The following RYR2 variants were observed in gnomAD, a reference collection of about 807,000 sequenced individuals.
The protein encoded by RYR2 is ryanodine receptor 2.
Under a neutral mutation model 601.1 loss-of-function variants are expected in RYR2, and 227 were observed. That is an observed-to-expected ratio of 0.38 (90% CI 0.34 to 0.42). The LOEUF is 0.42. Among genes scored for constraint, RYR2 ranks in the 10% least tolerant of loss-of-function variants. RYR2 has a pLI of 1.00. For missense variants in RYR2, 4,646 were observed against 6,156.5 expected (o/e 0.75, Z 8.21); for synonymous variants, 2,223 against 2,175.1 (o/e 1.02, Z -0.61).
At chr1:237,237,009 T>C (rs1447514500) in intron 1 of RYR2, among the ~76,000 whole-genome samples, 1 of 152,196 alleles carries the variant, frequency 6.6e-6, no homozygotes, top group Admixed American at 6.5e-5. Flanking sequence ...CATGCTGTTA[T>C]AATGATATGA....
chr1:237,755,367 A>G (rs1439344345), intron 80 of RYR2, among the ~76,000 whole-genome samples: 1 of 152,050 alleles, frequency 6.6e-6, no homozygotes, highest in Non-Finnish European at 1.5e-5. Context: ...CTTAGGTCAT[A>G]TATGTTTTGG....
rs997035051 is a variant in RYR2 at position 237,681,439 on chromosome 1, A to G, written c.9017+862A>G. Among the ~76,000 whole-genome samples, 4 of 152,138 alleles carry G rather than the reference A, an allele frequency of 2.6e-5. No homozygotes were observed. In the East Asian group the frequency reaches 5.8e-4, roughly 22 times the overall value. Reference sequence around the variant, plus strand: ...TGGAAAGATTCCTGCACTACGTAACACTGGGGAATGCAGCTGGAGTGGAAT... The same window carrying G: ...TGGAAAGATTCCTGCACTACGTAACGCTGGGGAATGCAGCTGGAGTGGAAT... On this transcript the variant is annotated intron_variant, in intron 62 of 104. Transcript: ENST00000366574.
chr1:237,594,885 GGTTTTTTT>G (rs1675635425), intron 33 of RYR2, among the ~76,000 whole-genome samples: 1 of 79,048 alleles, frequency 1.3e-5, no homozygotes, highest in African/African-American at 7.2e-5. Context: ...AATATCACTG[GGTTTTTTT>G]TTTTTTTTTT....
chr1:237,399,019 C>T (rs1018922160), intron 10 of RYR2, among the ~76,000 whole-genome samples: 1 of 152,036 alleles, frequency 6.6e-6, no homozygotes, highest in African/African-American at 2.4e-5. Context: ...CATGGTAAAA[C>T]CCTGTCTCTA....
intron 87 of RYR2, among the ~76,000 whole-genome samples, chr1:237,774,867 A>G (rs573847342): frequency 2.0e-5 from 3 of 152,242 alleles, no homozygotes; most frequent in Admixed American, 6.5e-5. Context: ...TCCAAATGAA[A>G]CATAACCGCC....
chr1:237,760,512 T>C (rs1187656229), intron 83 of RYR2, among the ~76,000 whole-genome samples: 1 of 152,196 alleles, frequency 6.6e-6, no homozygotes, highest in Non-Finnish European at 1.5e-5. Context: ...GTAGGCCATT[T>C]CTCATTTTGT....
chr1:237,115,243 C>A (rs1028538704), intron 1 of RYR2, among the ~76,000 whole-genome samples: 1 of 152,172 alleles, frequency 6.6e-6, no homozygotes, highest in African/African-American at 2.4e-5. Context: ...CACACCCCCC[C>A]CCTTGCTCTG....
At chr1:237,739,044 A>G (rs1037571069) in intron 79 of RYR2, among the ~76,000 whole-genome samples, 1 of 152,032 alleles carries the variant, frequency 6.6e-6, no homozygotes, top group Non-Finnish European at 1.5e-5. Context: ...CATGATTTTC[A>G]TTTCTCTTGG....
chr1:237,198,440 A>AT lies in RYR2; in HGVS notation c.49-72038dup, dbSNP rs145357805. Among the ~76,000 whole-genome samples, 86 of 132,880 alleles carry AT rather than the reference A, an allele frequency of 6.5e-4. 1 individual carries two copies. The highest frequency in any genetic ancestry group is 2.3e-3 in the African/African-American group (81 of 35,656). The allele number at this position is 132,880 out of a possible 152,430, so 87.2% of individuals were successfully genotyped here. The stretch of plus-strand genomic sequence containing the variant: ...TATGTTTGAATATAGTGTTTCCTTG[A>AT]TTTTTTTTTTTTTTTTTTTGGTATG... On this transcript the variant is annotated intron_variant, in intron 1 of 104. Coordinates refer to ENST00000366574, the MANE Select transcript of RYR2 (RefSeq NM_001035.3).
intron 91 of RYR2, among the ~76,000 whole-genome samples, chr1:237,787,589 CTCAAAA>C (rs1230493075): frequency 1.8e-5 from 2 of 111,518 alleles, no homozygotes; most frequent in African/African-American, 7.8e-5. Flanking sequence ...GAGACTCTGT[CTCAAAA>C]ACAAAAAAAA....
chr1:237,657,816 AAAG>A (rs1347323989), intron 53 of RYR2, 125 bp from the exon 54 acceptor site: 10 of 534,358 alleles, frequency 1.9e-5, no homozygotes, highest in East Asian at 1.1e-4. Context: ...AATTCTAAAA[AAAG>A]AAGTCGTGTT....
intron 20 of RYR2, among the ~76,000 whole-genome samples, chr1:237,497,991 A>AG (rs937500069): frequency 6.6e-6 from 1 of 151,754 alleles, no homozygotes; most frequent in Non-Finnish European, 1.5e-5. Context: ...CCTCCTGAGT[A>AG]GCTGAGACTA....
intron 27 of RYR2, among the ~76,000 whole-genome samples, chr1:237,556,423 C>T (rs1442670148): frequency 6.6e-6 from 1 of 151,342 alleles, no homozygotes; most frequent in Admixed American, 6.6e-5. Context: ...GCCTCAGCCT[C>T]CCGAGTAGCT....
chr1:237,188,432 C>T (rs544971708), intron 1 of RYR2, among the ~76,000 whole-genome samples: 81 of 152,070 alleles, frequency 5.3e-4, no homozygotes, highest in Admixed American at 2.4e-3. Flanking sequence ...CTGCACCAAA[C>T]CTTACTATTT....
chr1:237,184,846 T>C (rs189475348), intron 1 of RYR2, among the ~76,000 whole-genome samples: 12 of 151,840 alleles, frequency 7.9e-5, no homozygotes, highest in Admixed American at 7.9e-4. Context: ...TTTAGTTGAG[T>C]TGAAGGTTAT....
intron 10 of RYR2, among the ~76,000 whole-genome samples, chr1:237,402,242 A>AG (rs1703414757): frequency 6.6e-6 from 1 of 150,952 alleles, no homozygotes; most frequent in African/African-American, 2.4e-5. Context: ...AAAAAAAAAA[A>AG]GTTTTTTAAT....
chr1:237,186,615 C>T (rs574338136), intron 1 of RYR2, among the ~76,000 whole-genome samples: 141 of 152,270 alleles, frequency 9.3e-4, no homozygotes, highest in Non-Finnish European at 1.6e-3. Context: ...GGATTCTGGG[C>T]GTTCCTTCTA....
intron 101 of RYR2, among the ~76,000 whole-genome samples, chr1:237,821,945 A>G (rs1244260581): frequency 6.6e-6 from 1 of 151,846 alleles, no homozygotes; most frequent in African/African-American, 2.4e-5. Flanking sequence ...GGTGACCTCA[A>G]TGAAATAAGG....
intron 3 of RYR2, among the ~76,000 whole-genome samples, chr1:237,348,021 T>C (rs189486247): frequency 2.6e-4 from 39 of 152,272 alleles, no homozygotes; most frequent in Non-Finnish European, 5.3e-4. Context: ...CAGAGGAGCC[T>C]GCAAAGTTTA....
Sources: allele counts gnomAD v4.1 joint callset (sites outside exome capture counted in the v4.1 genomes callset), GRCh38; gene constraint gnomAD v4.1.1; transcripts MANE v1.5; gene names NCBI Gene and HGNC (gene_info 2026-07-23, HGNC 2026-07-21).